Variants in SULT6B1 observed in about 807,000 individuals in gnomAD.
The protein encoded by SULT6B1 is sulfotransferase 6B1.
In SULT6B1, 44 loss-of-function variants were observed where a neutral mutation model predicts 37.2. That is an observed-to-expected ratio of 1.18 (90% CI 0.93 to 1.52). The LOEUF (loss-of-function observed/expected upper bound fraction) is 1.52. Among genes scored for constraint, SULT6B1 ranks in the 40% most tolerant of loss-of-function variants. The pLI, the probability that SULT6B1 is intolerant of heterozygous loss-of-function variation, is 0.00. For missense variants in SULT6B1, 450 were observed against 361.0 expected (o/e 1.25, Z -2.00); for synonymous variants, 140 against 126.0 (o/e 1.11, Z -0.74).
At chr2:37,192,814 T>A (rs894675114), upstream of SULT6B1, among the ~76,000 whole-genome samples, 2 of 152,166 alleles carry the variant, frequency 1.3e-5, no homozygotes, top group African/African-American at 4.8e-5. Context: ...TATAGGAGGA[T>A]TTAGGAGGCT....
chr2:37,194,766 T>C (rs1369926522), intron 1 of SULT6B1: 2 of 159,636 alleles, frequency 1.3e-5, no homozygotes, highest in Non-Finnish European at 2.8e-5. Flanking sequence ...GTAAAGCTTG[T>C]TATCATTTCT....
upstream of SULT6B1, among the ~76,000 whole-genome samples, chr2:37,193,225 G>C (rs1676817112): frequency 6.6e-6 from 1 of 151,580 alleles, no homozygotes; most frequent in Non-Finnish European, 1.5e-5. Context: ...GGAGGCTGAG[G>C]CAGGCGGATT....
At chr2:37,193,898 C>T (rs1272179068) in intron 1 of SULT6B1, among the ~76,000 whole-genome samples, 1 of 152,194 alleles carries the variant, frequency 6.6e-6, no homozygotes, top group Admixed American at 6.5e-5. Flanking sequence ...AAGGCACTGT[C>T]GCTAAAGGAC....
rs1676213477 is a variant in SULT6B1 at position 37,167,843 on chromosome 2, ATTAT to A, written c.*88_*91del. The stretch of plus-strand genomic sequence containing the variant: ...ATTTAGATTTCAATATTGTTTAATT[ATTAT>A]TTGATTATTTGATTGAATTATCATT... On this transcript the variant is annotated 3_prime_UTR_variant, in exon 7 of 7. Transcript: ENST00000535679. 1 of 1,098,918 alleles carries A rather than the reference ATTAT, an allele frequency of 9.1e-7. No individual in the cohort carries two copies. The highest frequency in any genetic ancestry group is 1.2e-6 in the Non-Finnish European group (1 of 805,110). The allele number at this position is 1,098,918 out of a possible 1,614,324, so 68.1% of individuals were successfully genotyped here.
intron 5 of SULT6B1, among the ~76,000 whole-genome samples, chr2:37,174,218 C>A (rs1676364688): frequency 1.4e-5 from 2 of 140,024 alleles, no homozygotes; most frequent in Admixed American, 8.0e-5. Flanking sequence ...CTCTCCTAAT[C>A]TTCCTATTCT....
chr2:37,172,804 G>A (rs1676334235), intron 5 of SULT6B1, among the ~76,000 whole-genome samples: 1 of 151,340 alleles, frequency 6.6e-6, no homozygotes, highest in Admixed American at 6.6e-5. Context: ...CGCCGTGCCT[G>A]GCCTAAACCA....
intron 2 of SULT6B1, among the ~76,000 whole-genome samples, chr2:37,186,304 AT>A (rs1676672435): frequency 6.6e-6 from 1 of 152,056 alleles, no homozygotes; most frequent in Non-Finnish European, 1.5e-5. Flanking sequence ...TCCCCGCTGC[AT>A]TCTGGTGTGT....
rs189105140 is a variant in SULT6B1, at chr2:37,186,957, C to T, written c.312+398G>A. On this transcript the variant is annotated intron_variant, in intron 2 of 6. Transcript: ENST00000535679. Reference sequence around the variant, plus strand: ...ATTCCTACTACCATCCTGCACAGGTCCATGTCTTCAGAGATGAGACTTTTC... The same window carrying T: ...ATTCCTACTACCATCCTGCACAGGTTCATGTCTTCAGAGATGAGACTTTTC... Among the ~76,000 whole-genome samples, 6 of 152,300 alleles carry T rather than the reference C, an allele frequency of 3.9e-5. No homozygotes were observed. The East Asian group carries it at 1.2e-3, about 29-fold the overall frequency.
intron 3 of SULT6B1, among the ~76,000 whole-genome samples, chr2:37,182,336 G>C (rs148939454): frequency 0.023 from 3,525 of 150,712 alleles, 65 homozygotes; most frequent in Middle Eastern, 0.055. Context: ...TCACTGCAAC[G>C]TCCGCCTCTC....
intron 3 of SULT6B1, 27 bp from the exon 4 acceptor site, chr2:37,179,611 A>G: frequency 6.2e-7 from 1 of 1,604,706 alleles, no homozygotes; most frequent in South Asian, 1.1e-5. Flanking sequence ...GAGTTAATTT[A>G]TTTGGGTCTA....
intron 6 of SULT6B1, among the ~76,000 whole-genome samples, chr2:37,170,962 G>C (rs1676283709): frequency 6.6e-6 from 1 of 152,150 alleles, no homozygotes; most frequent in Non-Finnish European, 1.5e-5. Context: ...GGGGCGGCCG[G>C]GCGCGGTGGC....
chr2:37,185,243 G>T (rs1282619575), intron 2 of SULT6B1, among the ~76,000 whole-genome samples: 1 of 152,126 alleles, frequency 6.6e-6, no homozygotes. Flanking sequence ...GAAGTCAACT[G>T]TAACTAAATT....
intron 3 of SULT6B1, among the ~76,000 whole-genome samples, chr2:37,182,837 T>C (rs1676585652): frequency 6.6e-6 from 1 of 152,134 alleles, no homozygotes; most frequent in South Asian, 2.1e-4. Flanking sequence ...AAAGCACATA[T>C]AGTTCTGTAT....
intron 5 of SULT6B1, among the ~76,000 whole-genome samples, chr2:37,174,359 T>C (rs1007651438): frequency 2.0e-5 from 3 of 150,922 alleles, no homozygotes; most frequent in South Asian, 2.1e-4. Context: ...CTCAGCTTCC[T>C]GAGTAGCTGG....
At chr2:37,183,008 G>C (rs1381401956) in intron 3 of SULT6B1, among the ~76,000 whole-genome samples, 2 of 152,130 alleles carry the variant, frequency 1.3e-5, no homozygotes, top group Non-Finnish European at 2.9e-5. Flanking sequence ...AACATAGTGA[G>C]ATGCTGTCTC....
chr2:37,181,839 C>T (rs967253909), intron 3 of SULT6B1, among the ~76,000 whole-genome samples: 6 of 152,124 alleles, frequency 3.9e-5, no homozygotes, highest in Non-Finnish European at 5.9e-5. Flanking sequence ...GGGGAAATTA[C>T]GTGTTAAAAT....
chr2:37,192,826 T>A (rs537077237), upstream of SULT6B1, among the ~76,000 whole-genome samples: 10 of 152,316 alleles, frequency 6.6e-5, no homozygotes, highest in East Asian at 1.7e-3. Context: ...TAGGAGGCTC[T>A]TTGGGATTGG....
chr2:37,195,162 C>T (rs866612507), intron 1 of SULT6B1, among the ~76,000 whole-genome samples: 8 of 152,060 alleles, frequency 5.3e-5, no homozygotes, highest in South Asian at 2.1e-4. Flanking sequence ...GTTGGCTAGG[C>T]TGGTCTTGAA....
At chr2:37,190,978 C>T (rs1676768528), upstream of SULT6B1, among the ~76,000 whole-genome samples, 2 of 151,730 alleles carry the variant, frequency 1.3e-5, no homozygotes. Flanking sequence ...CATGCATTGC[C>T]AGGGGAGAAG....
Sources: gnomAD v4.1 joint callset for allele counts (sites outside exome capture counted in the v4.1 genomes callset) on GRCh38, gnomAD v4.1.1 for gene constraint, MANE v1.5 for transcripts, NCBI Gene and HGNC (gene_info 2026-07-23, HGNC 2026-07-21) for gene names.